DISC1: variants seen among roughly 807,000 people sequenced by gnomAD.
The protein encoded by DISC1 is disrupted in schizophrenia 1 protein.
In DISC1, 57 loss-of-function variants were observed where a neutral mutation model predicts 84.5. That is an observed-to-expected ratio of 0.67 (90% CI 0.55 to 0.84). The LOEUF is 0.84. DISC1 is among the 40% of genes least tolerant of loss of function. The pLI, the probability that DISC1 is intolerant of heterozygous loss-of-function variation, is 0.00. For synonymous variants in DISC1, 411 were observed against 415.2 expected, an observed-to-expected ratio of 0.99 and a Z score of 0.12; for missense variants, 1,000 against 1,057.8, an observed-to-expected ratio of 0.95 and a Z score of 0.76.
rs963150081 is a variant in DISC1, at chr1:231,782,813, G to A, written c.1634+11743G>A. Among the ~76,000 whole-genome samples, 6 of 152,038 alleles carry A rather than the reference G, an allele frequency of 3.9e-5. No homozygotes were observed. The East Asian group carries it at 1.2e-3, about 29-fold the overall frequency. On this transcript the variant is annotated intron_variant, in intron 6 of 12. Transcript: ENST00000439617. ...AAAAATTAGCCGGCTGTGGTGGCAC[G>A]TCTGTGTAGTTCCAGCTACTCGGGA...
intron 10 of DISC1, among the ~76,000 whole-genome samples, chr1:231,979,096 G>A (rs1413549683): frequency 2.0e-5 from 3 of 152,002 alleles, no homozygotes; most frequent in Non-Finnish European, 4.4e-5. Flanking sequence ...GCACATGCCG[G>A]TGATCCAGGT....
intron 4 of DISC1, among the ~76,000 whole-genome samples, chr1:231,753,524 G>A (rs1040559910): frequency 5.3e-5 from 8 of 152,296 alleles, no homozygotes; most frequent in South Asian, 2.1e-4. Flanking sequence ...AAACCATTCC[G>A]TCCTCCTCGG....
rs1341992397 is a variant in DISC1 at position 231,645,974 on chromosome 1, T to C, written c.67+19040T>C. 3.3e-5 allele frequency among the ~76,000 whole-genome samples: 5 copies of C among 150,978 alleles called. No individual in the cohort carries two copies. The South Asian group carries it at 8.3e-4, about 25-fold the overall frequency. On this transcript the variant is annotated intron_variant, in intron 1 of 12. Transcript: ENST00000439617. ...ACTACAGAGAAGAAAAACAAGGAAA[T>C]AGAAGATTTGAGCAACACAATTAAC...
chr1:232,032,385 C>T (rs1670130538), intron 12 of DISC1, among the ~76,000 whole-genome samples: 1 of 152,164 alleles, frequency 6.6e-6, no homozygotes, highest in Admixed American at 6.5e-5. Context: ...CCCCAAATGA[C>T]AATATTGCCT....
In DISC1 at chr1:232,009,243, C is replaced by CA. The variant is rs1235868404; in HGVS notation, c.2307+201dup. The CA allele has an allele frequency of 1.3e-5, 18 of 1,387,284 alleles. No homozygotes were observed. Among genetic ancestry groups the CA allele is most frequent in the South Asian group, 1.7e-5 (1 of 60,006 alleles). 85.9% of individuals were successfully genotyped at this position (1,387,284 alleles called of 1,614,324 possible). A position where few individuals can be genotyped will look rare whatever the true frequency, so the allele number is the denominator to read the frequency against. ...TGTAGAAGTTTGAAATATAGAAGAG[C>CA]AAAAAAACCCAACTTTTGGCATATT... On this transcript the variant is annotated intron_variant, in intron 11 of 12. Coordinates refer to ENST00000439617, the MANE Select transcript of DISC1 (RefSeq NM_018662.3). The surrounding 1 kb of genome is among the most constrained non-coding windows in gnomAD (Gnocchi z 4.6).
chr1:232,020,208 G>C (rs1333919749), intron 11 of DISC1, among the ~76,000 whole-genome samples: 1 of 152,100 alleles, frequency 6.6e-6, no homozygotes, highest in Non-Finnish European at 1.5e-5. Context: ...CTGGCATGGT[G>C]GTGCATGCCT....
In DISC1 at chr1:231,891,227, C is replaced by CA. The variant is rs565554655; in HGVS notation, c.1982-67591dup. The stretch of plus-strand genomic sequence containing the variant: ...GCTGATGAGCTAAAAAAGAAAATTG[C>CA]AAAAAAAAAATCTCATAATATTTTA... On this transcript the variant is annotated intron_variant, in intron 9 of 12. Transcript: ENST00000439617. Among the ~76,000 whole-genome samples the CA allele has an allele frequency of 1.1e-3, 167 of 148,756 alleles. 1 individual carries two copies. The highest frequency in any genetic ancestry group is 6.9e-3 in the Middle Eastern group (2 of 290).
At chr1:231,873,147 C>T (rs1024818531) in intron 9 of DISC1, among the ~76,000 whole-genome samples, 10 of 152,194 alleles carry the variant, frequency 6.6e-5, no homozygotes, top group South Asian at 2.1e-4. Flanking sequence ...CTCAGATTTC[C>T]GACAAGAACT....
rs2058591828 is a variant in DISC1, at chr1:231,630,120, AG to A, written c.67+3189del. ...TAATTTTTGTATTTTTAATACAGAC[AG>A]GGTTTCACCATGTTGATCAGCATGG... On this transcript the variant is annotated intron_variant, in intron 1 of 12. Coordinates refer to ENST00000439617, the MANE Select transcript of DISC1 (RefSeq NM_018662.3). The surrounding 1 kb of genome is among the most constrained non-coding windows in gnomAD (Gnocchi z 4.4). 1.3e-5 allele frequency among the ~76,000 whole-genome samples: 2 copies of A among 152,008 alleles called. No individual in the cohort carries two copies. Among genetic ancestry groups the A allele is most frequent in the African/African-American group, 4.8e-5 (2 of 41,392 alleles).
chr1:232,028,969 A>G (rs1458684069), intron 12 of DISC1, among the ~76,000 whole-genome samples: 1 of 152,184 alleles, frequency 6.6e-6, no homozygotes, highest in Non-Finnish European at 1.5e-5. Context: ...ACACAAGGTC[A>G]TTTCTGATGA....
chr1:231,948,058 C>G (rs1657579382), intron 9 of DISC1, among the ~76,000 whole-genome samples: 1 of 152,152 alleles, frequency 6.6e-6, no homozygotes, highest in Non-Finnish European at 1.5e-5. Context: ...AGCGATTCCT[C>G]AAGGATCTAG....
chr1:231,929,799 T>G (rs1351031445), intron 9 of DISC1, among the ~76,000 whole-genome samples: 1 of 152,202 alleles, frequency 6.6e-6, no homozygotes, highest in African/African-American at 2.4e-5. Context: ...CTTTTGAGAC[T>G]GACAAGAAAA....
At chr1:231,951,094 G>A (rs1658293164) in intron 9 of DISC1, among the ~76,000 whole-genome samples, 1 of 152,218 alleles carries the variant, frequency 6.6e-6, no homozygotes, top group South Asian at 2.1e-4. Flanking sequence ...GTCACAGGAT[G>A]ATGTCCCAGT....
At chr1:231,684,542 A>G (rs2064030748) in intron 1 of DISC1, among the ~76,000 whole-genome samples, 1 of 152,138 alleles carries the variant, frequency 6.6e-6, no homozygotes, top group African/African-American at 2.4e-5. Context: ...AAATACCAGC[A>G]GGCTTAAAAA....
intron 9 of DISC1, among the ~76,000 whole-genome samples, chr1:231,860,763 C>T (rs1558661072): frequency 6.6e-6 from 1 of 152,084 alleles, no homozygotes; most frequent in Non-Finnish European, 1.5e-5. Context: ...TTTGCACTTG[C>T]AAAAACTGAA....
At chr1:231,777,630 C>A (rs538595936) in intron 6 of DISC1, among the ~76,000 whole-genome samples, 2 of 152,190 alleles carry the variant, frequency 1.3e-5, no homozygotes, top group East Asian at 3.9e-4. Flanking sequence ...CAATGCTGGC[C>A]AGATGGGTGC....
chr1:231,706,148 C>T (rs1009797079), intron 3 of DISC1, among the ~76,000 whole-genome samples: 32 of 152,138 alleles, frequency 2.1e-4, no homozygotes, highest in African/African-American at 7.5e-4. Context: ...TATATTCTTG[C>T]ATAAGGTGGG....
intron 9 of DISC1, among the ~76,000 whole-genome samples, chr1:231,885,174 G>C (rs1253383622): frequency 2.6e-5 from 4 of 152,196 alleles, no homozygotes; most frequent in Non-Finnish European, 4.4e-5. Context: ...TGCTGCCTTA[G>C]AGATTTTGTC....
At chr1:231,660,257 C>A (rs1024593275) in intron 1 of DISC1, among the ~76,000 whole-genome samples, 9 of 152,018 alleles carry the variant, frequency 5.9e-5, no homozygotes, top group African/African-American at 1.7e-4. Flanking sequence ...TCTTTGTTGG[C>A]TTAAAGTCTT....
Sources: gnomAD v4.1 joint callset for allele counts (sites outside exome capture counted in the v4.1 genomes callset) on GRCh38, gnomAD v4.1.1 for gene constraint, Gnocchi (gnomAD v3.1) non-coding constraint, MANE v1.5 for transcripts, NCBI Gene and HGNC (gene_info 2026-07-23, HGNC 2026-07-21) for gene names.